DMD: variants seen among roughly 807,000 people sequenced by gnomAD.
The protein encoded by DMD is dystrophin, also known as mutant dystrophin.
DMD carries 63 observed loss-of-function variants against 330.1 expected under a neutral mutation model. The ratio of observed to expected loss-of-function variants is 0.19; its 90% CI spans 0.16 to 0.24. The LOEUF is 0.24. DMD is among the 10% of genes least tolerant of loss of function. The pLI, the probability that DMD is intolerant of heterozygous loss-of-function variation, is 1.00. For synonymous variants in DMD, 1,223 were observed against 959.8 expected, an observed-to-expected ratio of 1.27 and a Z score of -5.07; for missense variants, 3,344 against 2,684.1, an observed-to-expected ratio of 1.25 and a Z score of -5.43.
intron 44 of DMD, among the ~76,000 whole-genome samples, chrX:32,056,598 C>T (rs2096177243): frequency 9.1e-6 from 1 of 110,056 alleles, no homozygotes; most frequent in Non-Finnish European, 1.9e-5. Context: ...TCTGAGTAGG[C>T]CGAAACTAGT....
At chrX:31,212,557 C>T (rs1021759287) in intron 64 of DMD, among the ~76,000 whole-genome samples, 3 of 111,545 alleles carry the variant, frequency 2.7e-5, no homozygotes, top group Non-Finnish European at 3.8e-5. Flanking sequence ...GCTTCAAAAG[C>T]TCATTCTTTT....
At chrX:32,733,133 C>T (rs2067947676) in intron 7 of DMD, among the ~76,000 whole-genome samples, 2 of 108,755 alleles carry the variant, frequency 1.8e-5, no homozygotes, top group Admixed American at 1.9e-4. Flanking sequence ...ATAAAACAGA[C>T]TTTAAACCAA....
At chrX:33,074,764 T>G (rs1345799981) in intron 1 of DMD, among the ~76,000 whole-genome samples, 2 of 111,317 alleles carry the variant, frequency 1.8e-5, no homozygotes, top group Non-Finnish European at 3.8e-5. Flanking sequence ...AGATGTGTCC[T>G]TTTGACCTGG....
chrX:32,680,928 C>CT (rs2062370307), intron 9 of DMD, among the ~76,000 whole-genome samples: 1 of 111,957 alleles, frequency 8.9e-6, no homozygotes, highest in South Asian at 3.7e-4. Flanking sequence ...CTTCTGGTAC[C>CT]TTCTCTAGCC....
chrX:32,972,568 A>T (rs2092420684), intron 2 of DMD, among the ~76,000 whole-genome samples: 1 of 112,145 alleles, frequency 8.9e-6, no homozygotes, highest in East Asian at 2.8e-4. Flanking sequence ...TATTGAAAAA[A>T]ATTGATCAAC....
chrX:31,811,611 G>T (rs1348319355), intron 50 of DMD, among the ~76,000 whole-genome samples: 1 of 112,119 alleles, frequency 8.9e-6, no homozygotes, highest in East Asian at 2.8e-4. Context: ...CTGATTAAGG[G>T]TCTTCACATT....
At chrX:32,346,497 A>G (rs756478511) in intron 38 of DMD, among the ~76,000 whole-genome samples, 23 of 111,775 alleles carry the variant, frequency 2.1e-4, no homozygotes, top group Non-Finnish European at 3.6e-4. Flanking sequence ...TGACTGAGAT[A>G]ACAGCAAATC....
chrX:32,823,216 T>C, intron 5 of DMD, 79 bp downstream of exon 5: 1 of 815,660 alleles, frequency 1.2e-6, no homozygotes, highest in Non-Finnish European at 1.9e-6. Flanking sequence ...AAATACACAT[T>C]TGTTTCACAC....
intron 68 of DMD, among the ~76,000 whole-genome samples, chrX:31,181,886 T>C (rs1282062486): frequency 8.9e-6 from 1 of 112,396 alleles, no homozygotes; most frequent in Non-Finnish European, 1.9e-5. Context: ...TTCATCACTA[T>C]AGAAACCTTG....
At chrX:31,297,684 C>T (rs2054292661) in intron 62 of DMD, among the ~76,000 whole-genome samples, 1 of 112,313 alleles carries the variant, frequency 8.9e-6, no homozygotes, top group Non-Finnish European at 1.9e-5. Flanking sequence ...TAAATACAGA[C>T]ACCTGCTTGG....
chrX:32,746,609 G>A lies in DMD; in HGVS notation c.650-47316C>T, dbSNP rs182772747. 6.2e-5 allele frequency among the ~76,000 whole-genome samples: 7 copies of A among 112,049 alleles called. No homozygotes were observed. In the East Asian group the frequency reaches 1.7e-3, roughly 27 times the overall value. On this transcript the variant is annotated intron_variant, in intron 7 of 78. Coordinates refer to ENST00000357033, the MANE Select transcript of DMD (RefSeq NM_004006.3). The stretch of plus-strand genomic sequence containing the variant: ...TAATTATGCATATTTAGGAGGTACA[G>A]AGTGATATTTTCCTATATGAATATA...
At chrX:31,417,184 T>C (rs1392040894) in intron 60 of DMD, among the ~76,000 whole-genome samples, 2 of 112,718 alleles carry the variant, frequency 1.8e-5, no homozygotes, top group East Asian at 5.5e-4. Flanking sequence ...TAGAAATTAA[T>C]GGGGTAAGTG....
intron 1 of DMD, among the ~76,000 whole-genome samples, chrX:33,054,919 G>T (rs59600151): frequency 0.025 from 2,749 of 111,785 alleles, 83 homozygotes; most frequent in African/African-American, 0.084. Context: ...TACTGATTTT[G>T]AATTAACTAT....
chrX:31,867,198 G>A (rs1337612049), intron 48 of DMD, among the ~76,000 whole-genome samples: 2 of 97,493 alleles, frequency 2.1e-5, no homozygotes, highest in African/African-American at 7.2e-5. Context: ...ATAAGAGATT[G>A]CAAAATTTGT....
chrX:32,702,015 T>A (rs2064182178), intron 7 of DMD, among the ~76,000 whole-genome samples: 1 of 111,965 alleles, frequency 8.9e-6, no homozygotes, highest in Non-Finnish European at 1.9e-5. Flanking sequence ...TAGAAATAAG[T>A]AATTTTTGAA....
intron 2 of DMD, among the ~76,000 whole-genome samples, chrX:33,012,580 T>C (rs943531337): frequency 1.3e-4 from 14 of 111,844 alleles, no homozygotes; most frequent in Non-Finnish European, 2.6e-4. Flanking sequence ...TAAGATATTT[T>C]GACCTTATAA....
chrX:32,782,105 A>G (rs2148549914), intron 7 of DMD, among the ~76,000 whole-genome samples: 1 of 111,835 alleles, frequency 8.9e-6, no homozygotes, highest in Non-Finnish European at 1.9e-5. Context: ...CAATCTAATG[A>G]AAACTTTGAA....
At chrX:32,586,153 T>A (rs745846074) in intron 13 of DMD, among the ~76,000 whole-genome samples, 2 of 111,434 alleles carry the variant, frequency 1.8e-5, no homozygotes, top group Non-Finnish European at 1.9e-5. Flanking sequence ...TGTGCCATTT[T>A]ATATTTAAGT....
intron 2 of DMD, among the ~76,000 whole-genome samples, chrX:33,006,674 T>A (rs553384546): frequency 1.8e-5 from 2 of 111,756 alleles, no homozygotes; most frequent in African/African-American, 6.5e-5. Context: ...GGCACTTGTA[T>A]CATCTCTCAT....
Sources: allele counts gnomAD v4.1 joint callset (sites outside exome capture counted in the v4.1 genomes callset), GRCh38; gene constraint gnomAD v4.1.1; transcripts MANE v1.5; gene names NCBI Gene and HGNC (gene_info 2026-07-23, HGNC 2026-07-21).